Variants in RHOH observed in about 807,000 individuals in gnomAD.
RHOH encodes the protein rho-related GTP-binding protein RhoH.
A neutral mutation model predicts 13.8 loss-of-function variants in RHOH; 6 were observed. The observed-to-expected ratio is 0.44, with a 90% confidence interval of 0.24 to 0.86. The LOEUF is 0.86. Ranked by LOEUF, RHOH falls within the 40% of genes least tolerant of loss-of-function variation. The pLI is 0.24. For missense variants in RHOH, 147 were observed against 244.5 expected (o/e 0.60, Z 2.66); for synonymous variants, 117 against 103.0 (o/e 1.14, Z -0.82).
At chr4:40,193,366 G>A (rs961463855), upstream of RHOH, among the ~76,000 whole-genome samples, 8 of 152,180 alleles carry the variant, frequency 5.3e-5, no homozygotes, top group Non-Finnish European at 1.0e-4. Context: ...GAAGGGACAC[G>A]CCCTGGGGCT....
rs192659487 is a variant in RHOH, at chr4:40,202,605, C to T, written c.-331+5305C>T. On this transcript the variant is annotated intron_variant, in intron 1 of 2. Coordinates refer to ENST00000381799, the MANE Select transcript of RHOH (RefSeq NM_004310.5). ...TAACCGGTAGATGTTACTGTGAATC[C>T]CTGGGCAGGGTATTGTAAAGGGAGT... is the stretch of plus-strand genomic sequence containing the variant. Among the ~76,000 whole-genome samples the T allele has an allele frequency of 5.3e-3, 803 of 152,160 alleles. 2 individuals carry two copies. The highest frequency in any genetic ancestry group is 6.3e-3 in the Non-Finnish European group (427 of 68,008).
At chr4:40,209,777 T>A (rs1725042651) in intron 1 of RHOH, 1 of 152,318 alleles carries the variant, frequency 6.6e-6, no homozygotes, top group Middle Eastern at 3.4e-3. Context: ...TCCTTATGCA[T>A]CTTAAATATT....
intron 1 of RHOH, among the ~76,000 whole-genome samples, chr4:40,227,540 A>G (rs1727398362): frequency 6.6e-6 from 1 of 152,166 alleles, no homozygotes; most frequent in Non-Finnish European, 1.5e-5. Context: ...GCATCTCATC[A>G]TGCTGAGTTT....
intron 1 of RHOH, among the ~76,000 whole-genome samples, chr4:40,206,786 G>A (rs1452350917): frequency 1.3e-5 from 2 of 152,172 alleles, no homozygotes; most frequent in Non-Finnish European, 2.9e-5. Context: ...GGCAATATCA[G>A]AGAAATATCT....
intron 1 of RHOH, among the ~76,000 whole-genome samples, chr4:40,213,371 T>TC (rs1217295421): frequency 6.6e-6 from 1 of 151,180 alleles, no homozygotes. Flanking sequence ...TTTTTTTTTT[T>TC]TTCTCTCTCT....
rs1726679536 is a variant in RHOH, at chr4:40,222,287, CCTT to C, written c.-330-20424_-330-20422del. On this transcript the variant is annotated intron_variant, in intron 1 of 2. Coordinates refer to ENST00000381799, the MANE Select transcript of RHOH (RefSeq NM_004310.5). Reference sequence around the variant, plus strand: ...AGAATTTTCAATGGAAACAAAATGGCCTTCTATTGGAAGAAGATGCCATCTAGG... The same window carrying C: ...AGAATTTTCAATGGAAACAAAATGGCCTATTGGAAGAAGATGCCATCTAGG... Among the ~76,000 whole-genome samples the C allele has an allele frequency of 3.3e-5, 5 of 152,256 alleles. 1 individual carries two copies. The South Asian group carries it at 1.0e-3, about 32-fold the overall frequency.
At chr4:40,238,908 C>T (rs1471977874) in intron 1 of RHOH, among the ~76,000 whole-genome samples, 1 of 152,272 alleles carries the variant, frequency 6.6e-6, no homozygotes, top group African/African-American at 2.4e-5. Context: ...TGAATTCAAG[C>T]CCATCAGACT....
At chr4:40,217,189 G>A (rs1225675660) in intron 1 of RHOH, among the ~76,000 whole-genome samples, 1 of 152,170 alleles carries the variant, frequency 6.6e-6, no homozygotes, top group African/African-American at 2.4e-5. Flanking sequence ...GAGGGTCGGG[G>A]TCTTGGAGTT....
chr4:40,211,790 GAGA>G (rs1052626221), intron 1 of RHOH, among the ~76,000 whole-genome samples: 3 of 146,748 alleles, frequency 2.0e-5, no homozygotes, highest in East Asian at 1.9e-4. Flanking sequence ...TGGAAAAAGA[GAGA>G]AGATTTGTTT....
At chr4:40,214,263 A>G (rs1397662973) in intron 1 of RHOH, among the ~76,000 whole-genome samples, 1 of 152,204 alleles carries the variant, frequency 6.6e-6, no homozygotes, top group Non-Finnish European at 1.5e-5. Context: ...TATGGGCATC[A>G]TGCACAGGTG....
intron 1 of RHOH, among the ~76,000 whole-genome samples, chr4:40,219,392 C>T (rs1726269847): frequency 1.6e-5 from 2 of 121,500 alleles, no homozygotes; most frequent in African/African-American, 3.2e-5. Context: ...AGCTTGGGGA[C>T]AGAGTGAGAC....
chr4:40,207,895 G>A (rs1724839401), intron 1 of RHOH, among the ~76,000 whole-genome samples: 1 of 152,266 alleles, frequency 6.6e-6, no homozygotes, highest in African/African-American at 2.4e-5. Context: ...GAACCCAGGA[G>A]GCGGAGGTTG....
At chr4:40,231,471 C>T (rs964997010) in intron 1 of RHOH, among the ~76,000 whole-genome samples, 2 of 152,142 alleles carry the variant, frequency 1.3e-5, no homozygotes, top group African/African-American at 2.4e-5. Context: ...TGTCATATGA[C>T]GGCAGCCTGT....
chr4:40,193,442 A>T (rs1722812049), upstream of RHOH, among the ~76,000 whole-genome samples: 1 of 123,938 alleles, frequency 8.1e-6, no homozygotes, highest in Admixed American at 1.0e-4. Context: ...CCTCACCACT[A>T]CCCCTGTCGG....
intron 1 of RHOH, among the ~76,000 whole-genome samples, chr4:40,223,497 G>T (rs1320711778): frequency 7.4e-6 from 1 of 135,726 alleles, no homozygotes; most frequent in African/African-American, 2.8e-5. Flanking sequence ...TTTAGAGAGG[G>T]TCTTGCTCTG....
chr4:40,224,336 C>T (rs6531764), intron 1 of RHOH, among the ~76,000 whole-genome samples: 110,204 of 152,224 alleles, frequency 0.72, 40,183 homozygotes, highest in Admixed American at 0.76. Flanking sequence ...TTTTTGCTGT[C>T]GTGAATAATG....
At chr4:40,227,308 G>T (rs899607839) in intron 1 of RHOH, among the ~76,000 whole-genome samples, 1 of 152,202 alleles carries the variant, frequency 6.6e-6, no homozygotes, top group African/African-American at 2.4e-5. Flanking sequence ...TGTCTATCTA[G>T]CTATATGAGC....
At chr4:40,236,405 A>G (rs1728574436) in intron 1 of RHOH, among the ~76,000 whole-genome samples, 1 of 152,232 alleles carries the variant, frequency 6.6e-6, no homozygotes, top group Non-Finnish European at 1.5e-5. Context: ...AAGATGTTCA[A>G]TAAATGTAAA....
intron 1 of RHOH, among the ~76,000 whole-genome samples, chr4:40,233,334 C>T (rs1020356132): frequency 2.0e-5 from 3 of 148,150 alleles, no homozygotes; most frequent in Non-Finnish European, 4.4e-5. Flanking sequence ...AGTTAAGTGA[C>T]CTTTATGAGA....
Sources: allele counts gnomAD v4.1 joint callset (sites outside exome capture counted in the v4.1 genomes callset), GRCh38; gene constraint gnomAD v4.1.1; transcripts MANE v1.5; gene names NCBI Gene and HGNC (gene_info 2026-07-23, HGNC 2026-07-21).